Variants in NTM observed in about 807,000 individuals in gnomAD.
NTM encodes neurotrimin.
NTM carries 13 observed loss-of-function variants against 42.1 expected under a neutral mutation model. The observed-to-expected ratio is 0.31, with a 90% CI of 0.20 to 0.49. NTM has a LOEUF of 0.49. Among genes scored for constraint, NTM ranks in the 20% least tolerant of loss-of-function variants. The pLI, the probability that NTM is intolerant of heterozygous loss-of-function variation, is 0.99. For missense variants in NTM, 373 were observed against 452.8 expected (o/e 0.82, Z 1.60); for synonymous variants, 187 against 179.2 (o/e 1.04, Z -0.35).
intron 1 of NTM, among the ~76,000 whole-genome samples, chr11:131,713,473 G>A (rs2077379647): frequency 6.6e-6 from 1 of 152,106 alleles, no homozygotes; most frequent in Non-Finnish European, 1.5e-5. Flanking sequence ...TGTGTCCTAA[G>A]CGATTTTCTT....
At position 131,808,680 on chromosome 11, in the gene NTM, T is replaced by C. The variant is rs186309388; in HGVS notation, c.83-102884T>C. ...AGGGTGAGTCACATCACATGGGTTGTAGGGAGAGGAGTGCTCCTAGCTGTG... is the reference window on the plus strand; with the variant it reads ...AGGGTGAGTCACATCACATGGGTTGCAGGGAGAGGAGTGCTCCTAGCTGTG... On this transcript the variant is annotated intron_variant, in intron 1 of 8. Transcript: ENST00000683400. 6.6e-5 allele frequency among the ~76,000 whole-genome samples: 10 copies of C among 152,222 alleles called. No homozygotes were observed. In the East Asian group the frequency reaches 1.7e-3, roughly 27 times the overall value.
intron 1 of NTM, among the ~76,000 whole-genome samples, chr11:131,748,991 G>T (rs1377327355): frequency 1.3e-5 from 2 of 152,198 alleles, no homozygotes; most frequent in Non-Finnish European, 2.9e-5. Flanking sequence ...ACACAGAAAA[G>T]AAAGGACATA....
intron 1 of NTM, among the ~76,000 whole-genome samples, chr11:131,789,570 A>G (rs1410354360): frequency 1.1e-4 from 5 of 47,158 alleles, no homozygotes; most frequent in South Asian, 1.4e-3. Flanking sequence ...AAGAAGAAGA[A>G]GAAGAAGAAG....
intron 1 of NTM, among the ~76,000 whole-genome samples, chr11:131,711,159 A>G (rs1056098471): frequency 1.3e-5 from 2 of 152,228 alleles, no homozygotes; most frequent in Admixed American, 6.5e-5. Context: ...GCGCTTCTGC[A>G]CCGCAAAAGA....
intron 1 of NTM, among the ~76,000 whole-genome samples, chr11:131,751,945 G>A (rs914318512): frequency 7.2e-5 from 11 of 152,142 alleles, no homozygotes; most frequent in Admixed American, 2.0e-4. Flanking sequence ...TACCTGACAC[G>A]ACACTGATGC....
intron 1 of NTM, among the ~76,000 whole-genome samples, chr11:131,802,655 A>G (rs1170476636): frequency 1.3e-5 from 2 of 152,166 alleles, no homozygotes; most frequent in Admixed American, 6.5e-5. Context: ...TCTGTTATCA[A>G]TGGTCGGTAT....
intron 1 of NTM, among the ~76,000 whole-genome samples, chr11:131,453,564 A>G (rs978595047): frequency 6.6e-6 from 1 of 152,106 alleles, no homozygotes; most frequent in African/African-American, 2.4e-5. Context: ...CAAAGAAAAC[A>G]CAAGCAAACA....
chr11:131,450,864 T>C (rs1950425758), intron 1 of NTM, among the ~76,000 whole-genome samples: 1 of 152,202 alleles, frequency 6.6e-6, no homozygotes, highest in Admixed American at 6.5e-5. Flanking sequence ...TTCAGGGTTA[T>C]GAATCGTAGT....
At chr11:132,083,325 A>G (rs1594479899) in intron 2 of NTM, among the ~76,000 whole-genome samples, 1 of 152,234 alleles carries the variant, frequency 6.6e-6, no homozygotes, top group South Asian at 2.1e-4. Context: ...GATAGGACTG[A>G]GTTGTTTGCA....
At chr11:132,106,271 T>C (rs2062365113) in intron 2 of NTM, among the ~76,000 whole-genome samples, 1 of 152,232 alleles carries the variant, frequency 6.6e-6, no homozygotes, top group Non-Finnish European at 1.5e-5. Flanking sequence ...GCTCCCTCTC[T>C]TCCCGCCCTC....
intron 1 of NTM, among the ~76,000 whole-genome samples, chr11:131,780,863 C>A (rs2087959733): frequency 6.6e-6 from 1 of 152,098 alleles, no homozygotes; most frequent in African/African-American, 2.4e-5. Context: ...TATACCTTCT[C>A]CTTGATGGTT....
At chr11:132,224,470 C>T (rs1305530997) in intron 4 of NTM, among the ~76,000 whole-genome samples, 1 of 152,142 alleles carries the variant, frequency 6.6e-6, no homozygotes, top group Middle Eastern at 3.2e-3. Context: ...AGCAGATGCA[C>T]ATGCCTGTAT....
At chr11:132,070,304 G>A (rs1025227400) in intron 2 of NTM, among the ~76,000 whole-genome samples, 2 of 138,272 alleles carry the variant, frequency 1.4e-5, no homozygotes, top group African/African-American at 2.7e-5. Context: ...AAGTTAACAC[G>A]TCAAACTGAC....
At chr11:131,735,836 G>A (rs1430294910) in intron 1 of NTM, among the ~76,000 whole-genome samples, 1 of 68,910 alleles carries the variant, frequency 1.5e-5, no homozygotes, top group Non-Finnish European at 2.4e-5. Context: ...CATTCATAAG[G>A]TGTGTGTGTG....
intron 4 of NTM, among the ~76,000 whole-genome samples, chr11:132,307,160 C>CA (rs1225737926): frequency 6.6e-6 from 1 of 152,032 alleles, no homozygotes; most frequent in Non-Finnish European, 1.5e-5. Flanking sequence ...TTGTCTGAGT[C>CA]AAAAAACAGA....
At chr11:132,153,880 G>A (rs1376959237) in intron 3 of NTM, among the ~76,000 whole-genome samples, 1 of 152,172 alleles carries the variant, frequency 6.6e-6, no homozygotes, top group South Asian at 2.1e-4. Flanking sequence ...GGGTATAAAT[G>A]CTATGAATAC....
At chr11:131,609,216 T>C (rs2061270540) in intron 1 of NTM, among the ~76,000 whole-genome samples, 1 of 152,212 alleles carries the variant, frequency 6.6e-6, no homozygotes, top group African/African-American at 2.4e-5. Flanking sequence ...TTCCTTTCCC[T>C]GAGGCACGCA....
At chr11:131,691,476 AC>A (rs1174041208) in intron 1 of NTM, among the ~76,000 whole-genome samples, 1 of 151,382 alleles carries the variant, frequency 6.6e-6, no homozygotes, top group Non-Finnish European at 1.5e-5. Flanking sequence ...GCAGGCGTGG[AC>A]CCCACACCAC....
chr11:131,554,850 C>T (rs930406755), intron 1 of NTM, among the ~76,000 whole-genome samples: 3 of 152,154 alleles, frequency 2.0e-5, no homozygotes, highest in Non-Finnish European at 4.4e-5. Context: ...CATCATCTCC[C>T]AGCTCTGCTC....
Sources: gnomAD v4.1 joint callset for allele counts (sites outside exome capture counted in the v4.1 genomes callset) on GRCh38, gnomAD v4.1.1 for gene constraint, MANE v1.5 for transcripts, NCBI Gene and HGNC (gene_info 2026-07-23, HGNC 2026-07-21) for gene names.